The following PDILT variants were observed in gnomAD, a reference collection of about 807,000 sequenced individuals.
PDILT encodes the protein protein disulfide isomerase like, testis expressed.
Under a neutral mutation model 53.7 loss-of-function variants are expected in PDILT, and 43 were observed. The ratio of observed to expected loss-of-function variants is 0.80; its 90% CI spans 0.63 to 1.03. The LOEUF is 1.03. Among genes scored for constraint, PDILT ranks in the 50% least tolerant of loss-of-function variants. PDILT has a pLI of 0.00. For missense variants in PDILT, 727 were observed against 712.3 expected, an observed-to-expected ratio of 1.02 and a Z score of -0.24; for synonymous variants, 282 against 274.2, an observed-to-expected ratio of 1.03 and a Z score of -0.28.
Position 20,367,031 on chromosome 16 carries a change from CTTTCTTTCTTTCTTTCTTTCTT to C in PDILT, c.1117-1513_1117-1492del, listed in dbSNP as rs1567320662. ...TTATTTCTCTCTCTCTTTCTTCTTT[CTTTCTTTCTTTCTTTCTTTCTT>C]TCTTTCTTTCTTTCTTTCTTTCTTT... On this transcript the variant is annotated intron_variant, in intron 8 of 11. Coordinates refer to ENST00000302451, the MANE Select transcript of PDILT (RefSeq NM_174924.2). Among the ~76,000 whole-genome samples, 19 of 10,110 alleles carry C rather than the reference CTTTCTTTCTTTCTTTCTTTCTT, an allele frequency of 1.9e-3. 2 individuals are homozygous for C. Among genetic ancestry groups the C allele is most frequent in the African/African-American group, 5.5e-3 (19 of 3,446 alleles). The allele number at this position is 10,110 out of a possible 152,430, so 6.6% of individuals were successfully genotyped here.
At chr16:20,390,311 T>C (rs1966593142) in intron 2 of PDILT, among the ~76,000 whole-genome samples, 1 of 152,170 alleles carries the variant, frequency 6.6e-6, no homozygotes, top group Admixed American at 6.5e-5. Context: ...TCCTCTTCTC[T>C]TCAGAAACCC....
chr16:20,359,202 C>CA lies in PDILT; in HGVS notation c.*116_*117insT. The CA allele has an allele frequency of 6.7e-7, 1 of 1,489,124 alleles. No individual in the cohort carries two copies. Among genetic ancestry groups the CA allele is most frequent in the Non-Finnish European group, 9.0e-7 (1 of 1,113,402 alleles). 92.2% of individuals were successfully genotyped at this position (1,489,124 alleles called of 1,614,324 possible). ...CACTCAGAGGCTTTATTATCCACCCCTACCCCCGCCCCACCTACCCTACCA... is the reference window on the plus strand; with the variant it reads ...CACTCAGAGGCTTTATTATCCACCCCATACCCCCGCCCCACCTACCCTACCA... On this transcript the variant is annotated 3_prime_UTR_variant, in exon 12 of 12. Transcript: ENST00000302451.
chr16:20,369,526 T>G lies in PDILT; in HGVS notation c.1082A>C (p.Lys361Thr). The G allele has an allele frequency of 1.2e-6, 2 of 1,614,180 alleles. No individual in the cohort carries two copies. Among genetic ancestry groups the G allele is most frequent in the Non-Finnish European group, 1.7e-6 (2 of 1,180,016 alleles). The change falls in exon 8 of 12, where the codon AAA becomes ACA. Residue 361 changes from lysine to threonine, a missense_variant. Coordinates refer to ENST00000302451, the MANE Select transcript of PDILT (RefSeq NM_174924.2). ...TTTACTCAGGAAGCTGCGGCCAAAT[T>G]TCTTGAGGCTTTCGTAGGTTATGTC... ...SDDITYESLK[K>T]FGRSFLSKNA...
intron 1 of PDILT, among the ~76,000 whole-genome samples, chr16:20,401,648 G>A (rs1320663368): frequency 2.0e-5 from 3 of 152,240 alleles, no homozygotes; most frequent in Admixed American, 1.3e-4. Context: ...TCTGAGGGGT[G>A]TGGATGGCAC....
intron 5 of PDILT, among the ~76,000 whole-genome samples, chr16:20,374,617 A>G (rs547850457): frequency 6.6e-6 from 1 of 152,330 alleles, no homozygotes; most frequent in East Asian, 1.9e-4. Flanking sequence ...AACTGCATTT[A>G]CTAGTTAAGT....
At position 20,360,643 on chromosome 16, in the gene PDILT, C is replaced by T; in HGVS notation, c.1431G>A (p.Lys477=). The part of the protein sequence containing the change: ...PSGSQQAVLY[K]GEHTLKGFSD... Reference sequence around the variant, plus strand: ...AGAAGCCCTTCAGGGTGTGTTCTCCCTTATACAGGACAGCCTAGGATGAAA... The same window carrying T: ...AGAAGCCCTTCAGGGTGTGTTCTCCTTTATACAGGACAGCCTAGGATGAAA... Residue 477 remains lysine, a synonymous_variant, in exon 11 of 12, where the codon AAG becomes AAA. Coordinates refer to ENST00000302451, the MANE Select transcript of PDILT (RefSeq NM_174924.2). 2 of 1,613,478 alleles carry T rather than the reference C, an allele frequency of 1.2e-6. No homozygotes were observed. Among genetic ancestry groups the T allele is most frequent in the Non-Finnish European group, 1.7e-6 (2 of 1,179,422 alleles).
intron 8 of PDILT, among the ~76,000 whole-genome samples, chr16:20,366,115 A>T (rs549294801): frequency 1.2e-4 from 18 of 150,530 alleles, no homozygotes; most frequent in African/African-American, 4.2e-4. Flanking sequence ...AAAAAAAATT[A>T]GTTGTCCTCA....
At chr16:20,388,938 G>T (rs548844251) in intron 2 of PDILT, 8 of 152,156 alleles carry the variant, frequency 5.3e-5, no homozygotes, top group East Asian at 1.9e-4. Flanking sequence ...TTGCAAATTG[G>T]TTTTCCTTCT....
chr16:20,374,207 A>G (rs1197106507), intron 5 of PDILT, among the ~76,000 whole-genome samples: 1 of 151,956 alleles, frequency 6.6e-6, no homozygotes, highest in Non-Finnish European at 1.5e-5. Context: ...CTGTTGATCT[A>G]GGATGGTATC....
At position 20,359,200 on chromosome 16, in the gene PDILT, C is replaced by T. The variant is rs57520361; in HGVS notation, c.*119G>A. On this transcript the variant is annotated 3_prime_UTR_variant, in exon 12 of 12. Coordinates refer to ENST00000302451, the MANE Select transcript of PDILT (RefSeq NM_174924.2). Reference sequence around the variant, plus strand: ...GACACTCAGAGGCTTTATTATCCACCCCTACCCCCGCCCCACCTACCCTAC... The same window carrying T: ...GACACTCAGAGGCTTTATTATCCACTCCTACCCCCGCCCCACCTACCCTAC... 4.7e-5 allele frequency: 69 copies of T among 1,480,816 alleles called. No individual in the cohort carries two copies. The Middle Eastern group carries it at 6.3e-4, about 14-fold the overall frequency. The allele number at this position is 1,480,816 out of a possible 1,614,324, so 91.7% of individuals were successfully genotyped here.
intron 1 of PDILT, among the ~76,000 whole-genome samples, chr16:20,403,770 T>C (rs1032679618): frequency 2.6e-5 from 4 of 152,108 alleles, no homozygotes; most frequent in Admixed American, 2.6e-4. Flanking sequence ...CATCTGACCT[T>C]ATCGCCCTCC....
At chr16:20,382,158 CAG>C (rs1239117564) in intron 3 of PDILT, among the ~76,000 whole-genome samples, 14 of 152,136 alleles carry the variant, frequency 9.2e-5, no homozygotes, top group African/African-American at 3.1e-4. Context: ...ATCAGCCTCC[CAG>C]AGTGTTGGGA....
At chr16:20,401,918 C>G (rs536882868) in intron 1 of PDILT, among the ~76,000 whole-genome samples, 25 of 152,216 alleles carry the variant, frequency 1.6e-4, no homozygotes, top group Non-Finnish European at 2.2e-4. Context: ...CAGGCTGGAT[C>G]ATAAGCCTCA....
At chr16:20,392,594 T>C (rs1344396123) in intron 2 of PDILT, among the ~76,000 whole-genome samples, 1 of 152,170 alleles carries the variant, frequency 6.6e-6, no homozygotes, top group Non-Finnish European at 1.5e-5. Flanking sequence ...GGCCGGCTAG[T>C]TTTTTTAAGA....
Position 20,373,074 on chromosome 16 carries a change from G to A in PDILT, c.730C>T (p.Gln244Ter), listed in dbSNP as rs772483625. 6.2e-6 allele frequency: 10 copies of A among 1,614,112 alleles called. No individual in the cohort carries two copies. The highest frequency in any genetic ancestry group is 2.2e-5 in the East Asian group (1 of 44,878). ...TGTTTTATGACACGATTGAGTTCCT[G>A]TTTGTTGGTACTGTCATTAATAAGC... ...QKLINDSTNKQELNRVIKQHL... is the reference protein window; with the variant it reads ...QKLINDSTNK Residue 244 changes from glutamine (Q) to a stop codon, truncating the protein, a stop_gained, in exon 6 of 12, where the codon CAG (glutamine) becomes TAG (stop). Transcript: ENST00000302451. LOFTEE classifies it high-confidence loss of function.
chr16:20,394,483 C>G (rs769866886), intron 2 of PDILT, among the ~76,000 whole-genome samples: 6 of 152,212 alleles, frequency 3.9e-5, no homozygotes, highest in Non-Finnish European at 8.8e-5. Flanking sequence ...TTCCCAGCCT[C>G]TCTTACAGAT....
intron 7 of PDILT, among the ~76,000 whole-genome samples, chr16:20,372,209 A>G (rs4408552): frequency 0.28 from 42,047 of 152,094 alleles, 6,048 homozygotes; most frequent in Non-Finnish European, 0.31. Context: ...TCATTGCTTT[A>G]CATATATATT....
At chr16:20,387,446 G>A (rs1966553843) in intron 2 of PDILT, among the ~76,000 whole-genome samples, 1 of 152,276 alleles carries the variant, frequency 6.6e-6, no homozygotes, top group East Asian at 1.9e-4. Flanking sequence ...ACATGTTCAA[G>A]GTATGACAAG....
At chr16:20,394,944 T>C (rs1966644720) in intron 2 of PDILT, among the ~76,000 whole-genome samples, 1 of 152,232 alleles carries the variant, frequency 6.6e-6, no homozygotes, top group Non-Finnish European at 1.5e-5. Context: ...ATTTGGTGAT[T>C]GTTATAGCAG....
Sources: allele counts gnomAD v4.1 joint callset (sites outside exome capture counted in the v4.1 genomes callset), GRCh38; gene constraint gnomAD v4.1.1; transcripts MANE v1.5; gene names NCBI Gene and HGNC (gene_info 2026-07-23, HGNC 2026-07-21).